LRMDA: variants seen among roughly 807,000 people sequenced by gnomAD.
LRMDA encodes leucine-rich melanocyte differentiation-associated protein.
Under a neutral mutation model 29.8 loss-of-function variants are expected in LRMDA, and 18 were observed. The observed-to-expected ratio is 0.60, with a 90% CI of 0.42 to 0.90. The LOEUF is 0.90. Among genes scored for constraint, LRMDA ranks in the 40% least tolerant of loss-of-function variants. The pLI, the probability that LRMDA is intolerant of heterozygous loss-of-function variation, is 0.00. For synonymous variants in LRMDA, 125 were observed against 109.4 expected (o/e 1.14, Z -0.89); for missense variants, 273 against 273.9 (o/e 1.00, Z 0.02).
At chr10:76,336,675 C>T (rs1207337990) in intron 6 of LRMDA, among the ~76,000 whole-genome samples, 1 of 152,082 alleles carries the variant, frequency 6.6e-6, no homozygotes, top group African/African-American at 2.4e-5. Context: ...TATTCCCACC[C>T]TCCCCCAAAG....
At chr10:75,776,171 TG>T (rs1843309632) in intron 2 of LRMDA, among the ~76,000 whole-genome samples, 1 of 152,218 alleles carries the variant, frequency 6.6e-6, no homozygotes, top group Non-Finnish European at 1.5e-5. Context: ...ACTTAGATGC[TG>T]AACACTGAGG....
At chr10:76,234,886 A>G (rs932961571) in intron 5 of LRMDA, among the ~76,000 whole-genome samples, 1 of 152,190 alleles carries the variant, frequency 6.6e-6, no homozygotes, top group African/African-American at 2.4e-5. Flanking sequence ...AACTTTCTCC[A>G]TATCAGCAAT....
In LRMDA at chr10:75,929,293, C is replaced by CTGTGTGTG. The variant is rs1356774992; in HGVS notation, c.132-106714_132-106713insGTGTGTGT. On this transcript the variant is annotated intron_variant, in intron 2 of 6. Coordinates refer to ENST00000611255, the MANE Select transcript of LRMDA (RefSeq NM_001305581.2). ...ATATACAAGCATTTAAATGCATGAT[C>CTGTGTGTG]TATGTGTGTGTGTGTGTGTGTAAAT... 7.4e-5 allele frequency among the ~76,000 whole-genome samples: 8 copies of CTGTGTGTG among 108,370 alleles called. No individual in the cohort carries two copies. In the East Asian group the frequency reaches 1.8e-3, roughly 25 times the overall value. 71.1% of individuals were successfully genotyped at this position (108,370 alleles called of 152,430 possible).
intron 6 of LRMDA, among the ~76,000 whole-genome samples, chr10:76,473,718 A>T (rs1842640950): frequency 6.6e-6 from 1 of 151,788 alleles, no homozygotes; most frequent in South Asian, 2.1e-4. Context: ...CGTAATTGTG[A>T]AATTAAGAAA....
At chr10:75,703,493 A>T (rs1842332417) in intron 2 of LRMDA, among the ~76,000 whole-genome samples, 1 of 152,224 alleles carries the variant, frequency 6.6e-6, no homozygotes, top group African/African-American at 2.4e-5. Context: ...GGAGGTTAAA[A>T]TGAGAAGTAC....
At chr10:75,999,944 A>G (rs1199154286) in intron 2 of LRMDA, among the ~76,000 whole-genome samples, 3 of 152,194 alleles carry the variant, frequency 2.0e-5, no homozygotes, top group African/African-American at 7.2e-5. Context: ...TGGAAGATAA[A>G]TGGGGATATC....
chr10:76,432,779 C>T (rs570905037), intron 6 of LRMDA, among the ~76,000 whole-genome samples: 1 of 152,308 alleles, frequency 6.6e-6, no homozygotes, highest in African/African-American at 2.4e-5. Context: ...CTTGAAATTG[C>T]TCTTTGGAAA....
chr10:76,546,900 A>C (rs1361577305), intron 6 of LRMDA, among the ~76,000 whole-genome samples: 16 of 152,182 alleles, frequency 1.1e-4, no homozygotes, highest in Admixed American at 1.0e-3. Context: ...TGACCCATGT[A>C]CCAGAGACCA....
intron 5 of LRMDA, among the ~76,000 whole-genome samples, chr10:76,187,317 A>G (rs1408398723): frequency 6.6e-6 from 1 of 152,202 alleles, no homozygotes; most frequent in Non-Finnish European, 1.5e-5. Context: ...CAGATTCTTT[A>G]AAAAGAATCA....
chr10:76,448,926 G>A (rs1426277942), intron 6 of LRMDA, among the ~76,000 whole-genome samples: 9 of 151,764 alleles, frequency 5.9e-5, no homozygotes, highest in Admixed American at 2.6e-4. Context: ...TTCCAAAGTA[G>A]GTATAGCAGA....
At chr10:75,867,972 C>T (rs1003874239) in intron 2 of LRMDA, among the ~76,000 whole-genome samples, 1 of 152,118 alleles carries the variant, frequency 6.6e-6, no homozygotes, top group African/African-American at 2.4e-5. Flanking sequence ...TATAATTCCC[C>T]AGGTCACAAA....
chr10:75,753,532 C>A (rs1315113322), intron 2 of LRMDA, among the ~76,000 whole-genome samples: 1 of 152,130 alleles, frequency 6.6e-6, no homozygotes, highest in East Asian at 1.9e-4. Context: ...ACAGCATGTG[C>A]AAAGGCCCCA....
chr10:76,423,762 A>G lies in LRMDA; in HGVS notation c.601+99277A>G, dbSNP rs943433142. Among the ~76,000 whole-genome samples the G allele has an allele frequency of 1.5e-4, 23 of 152,304 alleles. No individual in the cohort carries two copies. In the South Asian group the frequency reaches 2.9e-3, roughly 19 times the overall value. ...TAACTCAGCTAGAATGAGTTTTCCC[A>G]TTGCCCATGTGTCTATTTTTGTTAA... On this transcript the variant is annotated intron_variant, in intron 6 of 6. Transcript: ENST00000611255.
At chr10:75,882,792 A>G (rs1299618594) in intron 2 of LRMDA, 2 of 152,270 alleles carry the variant, frequency 1.3e-5, no homozygotes, top group Admixed American at 1.3e-4. Flanking sequence ...GTGTAAGCCA[A>G]TTCCTCTCCC....
chr10:76,035,490 C>T (rs1047976021), intron 2 of LRMDA, among the ~76,000 whole-genome samples: 3 of 152,096 alleles, frequency 2.0e-5, no homozygotes, highest in Admixed American at 1.3e-4. Flanking sequence ...GAAGCCTTCC[C>T]TGTCGTTTCC....
intron 6 of LRMDA, among the ~76,000 whole-genome samples, chr10:76,531,565 G>A (rs957452315): frequency 2.0e-5 from 3 of 151,770 alleles, no homozygotes; most frequent in East Asian, 1.9e-4. Flanking sequence ...TTTTTAAATT[G>A]GTTGATATAA....
chr10:76,133,444 G>C (rs1850036288), intron 5 of LRMDA, among the ~76,000 whole-genome samples: 1 of 151,966 alleles, frequency 6.6e-6, no homozygotes. Context: ...ACCAGTCCTG[G>C]GTGGTCTTGT....
At chr10:76,194,706 C>G (rs889589120) in intron 5 of LRMDA, among the ~76,000 whole-genome samples, 1 of 152,182 alleles carries the variant, frequency 6.6e-6, no homozygotes, top group African/African-American at 2.4e-5. Context: ...CAACCTGTCT[C>G]TGCAGACAGA....
intron 6 of LRMDA, among the ~76,000 whole-genome samples, chr10:76,429,296 T>C (rs1205460161): frequency 6.6e-6 from 1 of 152,174 alleles, no homozygotes; most frequent in African/African-American, 2.4e-5. Flanking sequence ...TCATGTACCA[T>C]TATAATTAGC....
Sources: allele counts gnomAD v4.1 joint callset (sites outside exome capture counted in the v4.1 genomes callset), GRCh38; gene constraint gnomAD v4.1.1; transcripts MANE v1.5; gene names NCBI Gene and HGNC (gene_info 2026-07-23, HGNC 2026-07-21).